LPIN2: variants seen among roughly 807,000 people sequenced by gnomAD.
The protein encoded by LPIN2 is lipin 2.
In LPIN2, 55 loss-of-function variants were observed where a neutral mutation model predicts 111.4. The observed-to-expected ratio is 0.49, with a 90% CI of 0.40 to 0.62. The LOEUF is 0.62. Among genes scored for constraint, LPIN2 ranks in the 20% least tolerant of loss-of-function variants. The pLI, the probability that LPIN2 is intolerant of heterozygous loss-of-function variation, is 0.00. For synonymous variants in LPIN2, 425 were observed against 414.0 expected (o/e 1.03, Z -0.32); for missense variants, 992 against 1,112.1 (o/e 0.89, Z 1.54).
chr18:2,951,068 C>A lies in LPIN2; in HGVS notation c.577G>T (p.Ala193Ser), dbSNP rs539324906. 1 of 1,614,136 alleles carries A rather than the reference C, an allele frequency of 6.2e-7. No homozygotes were observed. Among genetic ancestry groups the A allele is most frequent in the Non-Finnish European group, 8.5e-7 (1 of 1,180,034 alleles). Residue 193 changes from alanine (A) to serine (S), a missense_variant, in exon 4 of 20, where the codon GCC (alanine) becomes TCC (serine). Coordinates refer to ENST00000677752, the MANE Select transcript of LPIN2 (RefSeq NM_001375808.2). ...VGVSSDDDKGAQAARGSSNAS... is the reference protein window; with the variant it reads ...VGVSSDDDKGSQAARGSSNAS... The stretch of plus-strand genomic sequence containing the variant: ...TGAGAGTCCTACCGTGCTGCCTGGG[C>A]CCCCTTGTCATCATCGGAGCTCACG...
At chr18:2,970,644 C>T (rs960545834) in intron 1 of LPIN2, among the ~76,000 whole-genome samples, 3 of 152,234 alleles carry the variant, frequency 2.0e-5, no homozygotes, top group Admixed American at 6.5e-5. Flanking sequence ...CCCTAAAACA[C>T]CCTCCTGCAA....
At chr18:2,939,426 T>C in intron 6 of LPIN2, 54 bp downstream of exon 6, 1 of 1,608,500 alleles carries the variant, frequency 6.2e-7, no homozygotes. Context: ...GCAGAGGAAT[T>C]CGTCACTTGT....
At chr18:2,942,923 T>C (rs1187542946) in intron 4 of LPIN2, among the ~76,000 whole-genome samples, 1 of 152,224 alleles carries the variant, frequency 6.6e-6, no homozygotes, top group Non-Finnish European at 1.5e-5. Context: ...GTTTTGCTAA[T>C]ACATCAGAAC....
intron 2 of LPIN2, among the ~76,000 whole-genome samples, chr18:2,958,161 C>CAAAAAAAAAAAAAAAAAAAAAAAAAAAA (rs1017981496): frequency 2.2e-5 from 1 of 44,712 alleles, no homozygotes; most frequent in Non-Finnish European, 4.3e-5. Context: ...AAAAAAACAA[C>CAAAAAAAAAAAAAAAAAAAAAAAAAAAA]AAAAAAAAAA....
At chr18:3,009,093 T>C (rs1444111018) in intron 1 of LPIN2, among the ~76,000 whole-genome samples, 4 of 151,998 alleles carry the variant, frequency 2.6e-5, no homozygotes, top group Non-Finnish European at 4.4e-5. Flanking sequence ...ACAGGGAGAC[T>C]TCTCTCTTTC....
intron 1 of LPIN2, among the ~76,000 whole-genome samples, chr18:2,990,080 A>C (rs989207433): frequency 9.2e-5 from 14 of 152,306 alleles, no homozygotes; most frequent in African/African-American, 3.4e-4. Flanking sequence ...TGGCGGAAGG[A>C]ATAGTCTCAA....
chr18:2,985,608 A>G (rs1057045051), intron 1 of LPIN2, among the ~76,000 whole-genome samples: 1 of 152,114 alleles, frequency 6.6e-6, no homozygotes, highest in Non-Finnish European at 1.5e-5. Context: ...TAAAATATAT[A>G]CCTTCTTTGT....
chr18:2,948,163 T>C (rs1424023576), intron 4 of LPIN2: 2 of 152,234 alleles, frequency 1.3e-5, no homozygotes. Context: ...GGAAATTTCA[T>C]GGAAGAGCTC....
rs2078187851 is a variant in LPIN2, at chr18:2,986,532, T to G, written c.-9-25683A>C. On this transcript the variant is annotated intron_variant, in intron 1 of 19. Coordinates refer to ENST00000677752, the MANE Select transcript of LPIN2 (RefSeq NM_001375808.2). ...ACATTTTGTAGTCTATTGTGATAAG[T>G]CTATTTTTTTAATGTAAAAAAAAAA... Among the ~76,000 whole-genome samples the G allele has an allele frequency of 2.3e-5, 3 of 131,186 alleles. No homozygotes were observed. The South Asian group carries it at 7.9e-4, about 35-fold the overall frequency. 86.1% of individuals were successfully genotyped at this position (131,186 alleles called of 152,430 possible).
At chr18:3,004,811 C>T (rs1210573319) in intron 1 of LPIN2, among the ~76,000 whole-genome samples, 2 of 152,146 alleles carry the variant, frequency 1.3e-5, no homozygotes, top group Non-Finnish European at 2.9e-5. Context: ...TCCATCCAGT[C>T]TCAGCCCAGC....
intron 4 of LPIN2, among the ~76,000 whole-genome samples, chr18:2,949,503 A>T (rs2077501914): frequency 6.6e-6 from 1 of 152,208 alleles, no homozygotes; most frequent in Non-Finnish European, 1.5e-5. Flanking sequence ...GAAATTCTGC[A>T]TTCTATCAGA....
In LPIN2 at chr18:3,003,626, CTTA is replaced by C. The variant is rs1337195223; in HGVS notation, c.-10+9458_-10+9460del. ...CTTTTGTCACTTCCCTAATAATCAT[CTTA>C]TAATTTCTTATGTCTGTTTTTACTT... On this transcript the variant is annotated intron_variant, in intron 1 of 19. Coordinates refer to ENST00000677752, the MANE Select transcript of LPIN2 (RefSeq NM_001375808.2). Among the ~76,000 whole-genome samples the C allele has an allele frequency of 1.3e-5, 2 of 152,188 alleles. 1 individual carries two copies. Among genetic ancestry groups the C allele is most frequent in the Non-Finnish European group, 2.9e-5 (2 of 68,032 alleles).
chr18:2,992,652 C>G (rs895112263), intron 1 of LPIN2, among the ~76,000 whole-genome samples: 11 of 152,098 alleles, frequency 7.2e-5, no homozygotes, highest in Non-Finnish European at 1.6e-4. Context: ...GAGTTCAAGA[C>G]CAGCCTGGGC....
In LPIN2 at chr18:2,921,541, G is replaced by C. The variant is rs754916357; in HGVS notation, c.2434C>G (p.Arg812Gly). The C allele has an allele frequency of 6.2e-7, 1 of 1,611,114 alleles. No individual in the cohort carries two copies. The highest frequency in any genetic ancestry group is 8.5e-7 in the Non-Finnish European group (1 of 1,177,242). Residue 812 changes from arginine (R) to glycine (G), a missense_variant, in exon 18 of 20, where the codon CGT becomes GGT. Around this residue, in one of 4 missense-constraint regions of LPIN2, gnomAD observed 185 missense variants for 186.5 expected, o/e 0.99. Transcript: ENST00000677752. The part of the protein sequence containing the change: ...KQPFYAAFGN[R>G]PNDVYAYTQV... ...GCCCAGGAGATACTCACATTTGGAC[G>C]GTTTCCAAAGGCAGCATAGAAGGGC...
Position 2,951,047 on chromosome 18 carries a change from A to C in LPIN2, c.590+8T>G, listed in dbSNP as rs760846327. The C allele has an allele frequency of 8.7e-6, 14 of 1,613,946 alleles. No individual in the cohort carries two copies. The highest frequency in any genetic ancestry group is 9.3e-6 in the Non-Finnish European group (11 of 1,180,024). The stretch of plus-strand genomic sequence containing the variant: ...CGCACAAGACCCTTCCCAGGCTGAG[A>C]GTCCTACCGTGCTGCCTGGGCCCCC... On this transcript the variant is annotated splice_region_variant and intron_variant, in intron 4 of 19. Transcript: ENST00000677752.
intron 7 of LPIN2, among the ~76,000 whole-genome samples, chr18:2,937,209 T>A (rs1284779303): frequency 6.6e-6 from 1 of 152,036 alleles, no homozygotes; most frequent in African/African-American, 2.4e-5. Context: ...CTGCTCCAAC[T>A]GGACTTTCCA....
intron 1 of LPIN2, among the ~76,000 whole-genome samples, chr18:2,996,498 G>C (rs1417723389): frequency 1.4e-5 from 1 of 72,174 alleles, no homozygotes; most frequent in Non-Finnish European, 2.4e-5. Flanking sequence ...TTTTTTTTGA[G>C]ACAGAGTCTC....
chr18:2,980,931 G>A (rs2078101038), intron 1 of LPIN2, among the ~76,000 whole-genome samples: 1 of 152,166 alleles, frequency 6.6e-6, no homozygotes, highest in African/African-American at 2.4e-5. Context: ...AGATTATTCT[G>A]GGACTTCAGG....
At chr18:2,928,483 G>T in intron 11 of LPIN2, 108 bp downstream of exon 11, 2 of 1,079,444 alleles carry the variant, frequency 1.9e-6, no homozygotes, top group Non-Finnish European at 2.9e-6. Flanking sequence ...TTAAGCTCAA[G>T]TAAAACTTTG....
Sources: gnomAD v4.1 joint callset for allele counts (sites outside exome capture counted in the v4.1 genomes callset) on GRCh38, gnomAD v4.1.1 for gene constraint, gnomAD v4.1.1 regional missense constraint, MANE v1.5 for transcripts, NCBI Gene and HGNC (gene_info 2026-07-23, HGNC 2026-07-21) for gene names.